Variants in NTNG1 observed in about 807,000 individuals in gnomAD.
The protein encoded by NTNG1 is netrin G1.
NTNG1 carries 16 observed loss-of-function variants against 54.0 expected under a neutral mutation model. The observed-to-expected ratio is 0.30, with a 90% CI of 0.20 to 0.45. The LOEUF is 0.45. Ranked by LOEUF, NTNG1 falls within the 20% of genes least tolerant of loss-of-function variation. The pLI is 1.00. For synonymous variants in NTNG1, 255 were observed against 263.1 expected (o/e 0.97, Z 0.30); for missense variants, 530 against 678.7 (o/e 0.78, Z 2.43).
chr1:107,173,955 GTT>G (rs1237218662), intron 2 of NTNG1, among the ~76,000 whole-genome samples: 1 of 152,066 alleles, frequency 6.6e-6, no homozygotes, highest in African/African-American at 2.4e-5. Flanking sequence ...AGAGAGGAAA[GTT>G]GAGTCCTGTT....
chr1:107,404,254 A>C (rs984182488), intron 4 of NTNG1, among the ~76,000 whole-genome samples: 3 of 152,090 alleles, frequency 2.0e-5, no homozygotes, highest in African/African-American at 7.2e-5. Context: ...GAATTTAAAC[A>C]GAAGATCCGA....
chr1:107,179,922 T>C (rs1273600573), intron 2 of NTNG1, among the ~76,000 whole-genome samples: 1 of 152,138 alleles, frequency 6.6e-6, no homozygotes, highest in Non-Finnish European at 1.5e-5. Flanking sequence ...GTAAGTTGCA[T>C]GTCAGGAAAT....
chr1:107,255,571 C>T (rs1662882059), intron 2 of NTNG1, among the ~76,000 whole-genome samples: 2 of 152,156 alleles, frequency 1.3e-5, no homozygotes, highest in Admixed American at 1.3e-4. Context: ...TTTTAAACAT[C>T]TTTCTTTCTC....
chr1:107,393,801 T>C (rs1279664911), intron 3 of NTNG1, among the ~76,000 whole-genome samples: 1 of 152,122 alleles, frequency 6.6e-6, no homozygotes, highest in Admixed American at 6.6e-5. Flanking sequence ...AAGAAAAACT[T>C]GGCCATTGCT....
At chr1:107,417,714 G>A (rs1474449750) in intron 5 of NTNG1, among the ~76,000 whole-genome samples, 1 of 152,078 alleles carries the variant, frequency 6.6e-6, no homozygotes, top group Non-Finnish European at 1.5e-5. Context: ...ATGTGGTTTT[G>A]AGACTGGACT....
chr1:107,344,884 C>T (rs1669118958), intron 3 of NTNG1, among the ~76,000 whole-genome samples: 1 of 152,090 alleles, frequency 6.6e-6, no homozygotes, highest in Admixed American at 6.6e-5. Context: ...TTCTCCTTTA[C>T]AGTGTAGCAA....
intron 2 of NTNG1, among the ~76,000 whole-genome samples, chr1:107,252,469 C>G (rs1023719672): frequency 1.3e-5 from 2 of 152,180 alleles, no homozygotes; most frequent in East Asian, 3.8e-4. Flanking sequence ...TTGCAGACAG[C>G]TAGGCCACAT....
chr1:107,233,937 A>C (rs1007155605), intron 2 of NTNG1, among the ~76,000 whole-genome samples: 1 of 152,180 alleles, frequency 6.6e-6, no homozygotes. Flanking sequence ...TAAGAGTTGC[A>C]TTAGATCGAG....
At chr1:107,165,512 C>G (rs189291820) in intron 2 of NTNG1, among the ~76,000 whole-genome samples, 4 of 152,264 alleles carry the variant, frequency 2.6e-5, no homozygotes, top group African/African-American at 9.6e-5. Context: ...TAACAATGCA[C>G]TCACCATTTC....
chr1:107,228,234 T>C (rs761704100), intron 2 of NTNG1, among the ~76,000 whole-genome samples: 1 of 152,162 alleles, frequency 6.6e-6, no homozygotes, highest in Non-Finnish European at 1.5e-5. Flanking sequence ...TATTTGAACT[T>C]AGGTATTCAT....
chr1:107,443,879 G>T (rs763997100), intron 7 of NTNG1, among the ~76,000 whole-genome samples: 1 of 152,056 alleles, frequency 6.6e-6, no homozygotes, highest in Non-Finnish European at 1.5e-5. Flanking sequence ...ACATACATAA[G>T]GGTGATGAAA....
At chr1:107,298,431 G>T (rs1260745092) in intron 2 of NTNG1, among the ~76,000 whole-genome samples, 1 of 152,116 alleles carries the variant, frequency 6.6e-6, no homozygotes, top group Non-Finnish European at 1.5e-5. Flanking sequence ...AGGAAATACT[G>T]AGTTGTTATT....
chr1:107,393,462 A>G (rs1030104607), intron 3 of NTNG1, among the ~76,000 whole-genome samples: 3 of 152,162 alleles, frequency 2.0e-5, no homozygotes, highest in Non-Finnish European at 4.4e-5. Context: ...TGCCTATTTA[A>G]CTGAATTATT....
chr1:107,221,068 A>T (rs1660309159), intron 2 of NTNG1, among the ~76,000 whole-genome samples: 1 of 152,150 alleles, frequency 6.6e-6, no homozygotes, highest in South Asian at 2.1e-4. Context: ...TACCTACATT[A>T]TAGGGCTATT....
chr1:107,371,516 T>C (rs1250382277), intron 3 of NTNG1, among the ~76,000 whole-genome samples: 1 of 152,022 alleles, frequency 6.6e-6, no homozygotes, highest in East Asian at 1.9e-4. Context: ...ATAGACAAGA[T>C]TTTTTGAAAG....
chr1:107,318,818 G>A (rs1314981591), intron 2 of NTNG1, among the ~76,000 whole-genome samples: 1 of 152,136 alleles, frequency 6.6e-6, no homozygotes, highest in Non-Finnish European at 1.5e-5. Context: ...CAGCATACCA[G>A]TTAACAAGGA....
Position 107,438,985 on chromosome 1 carries a change from G to A in NTNG1, c.1390+2186G>A, listed in dbSNP as rs766982086. ...TTTGAGTATGTATTGAGTACCTACC[G>A]TGACTTAGGCACTGGGCTAATGGTA... On this transcript the variant is annotated intron_variant, in intron 7 of 7. Transcript: ENST00000370068. Among the ~76,000 whole-genome samples, 15 of 152,248 alleles carry A rather than the reference G, an allele frequency of 9.9e-5. 1 individual carries two copies. In the East Asian group the frequency reaches 1.4e-3, roughly 14 times the overall value.
At chr1:107,294,714 G>A (rs1276445865) in intron 2 of NTNG1, among the ~76,000 whole-genome samples, 3 of 152,308 alleles carry the variant, frequency 2.0e-5, no homozygotes, top group Middle Eastern at 6.8e-3. Flanking sequence ...AGAGGGCAGA[G>A]TAGCTTTGCT....
At chr1:107,370,589 A>G (rs1670861766) in intron 3 of NTNG1, among the ~76,000 whole-genome samples, 1 of 151,712 alleles carries the variant, frequency 6.6e-6, no homozygotes, top group Non-Finnish European at 1.5e-5. Flanking sequence ...GCTCCCACTT[A>G]TGACTGAGAA....
Sources: allele counts gnomAD v4.1 joint callset (sites outside exome capture counted in the v4.1 genomes callset), GRCh38; gene constraint gnomAD v4.1.1; transcripts MANE v1.5; gene names NCBI Gene and HGNC (gene_info 2026-07-23, HGNC 2026-07-21).